Variants in PTPRK observed in about 807,000 individuals in gnomAD.
The protein encoded by PTPRK is protein tyrosine phosphatase receptor type K, also known as receptor-type tyrosine-protein phosphatase kappa.
PTPRK carries 75 observed loss-of-function variants against 178.0 expected under a neutral mutation model. The ratio of observed to expected loss-of-function variants is 0.42; its 90% confidence interval spans 0.35 to 0.51. PTPRK has a LOEUF of 0.51. Ranked by LOEUF, PTPRK falls within the 20% of genes least tolerant of loss-of-function variation. PTPRK has a pLI of 0.02. For missense variants in PTPRK, 1,441 were observed against 1,797.8 expected, an observed-to-expected ratio of 0.80 and a Z score of 3.59; for synonymous variants, 637 against 620.6, an observed-to-expected ratio of 1.03 and a Z score of -0.39.
chr6:128,269,620 G>A (rs1819490738), intron 3 of PTPRK, among the ~76,000 whole-genome samples: 1 of 152,040 alleles, frequency 6.6e-6, no homozygotes, highest in Non-Finnish European at 1.5e-5. Context: ...CTTGCAGGGT[G>A]CCCTACATTT....
intron 3 of PTPRK, among the ~76,000 whole-genome samples, chr6:128,280,314 T>C (rs1821467950): frequency 6.6e-6 from 1 of 152,158 alleles, no homozygotes; most frequent in Non-Finnish European, 1.5e-5. Context: ...CTTAACACAA[T>C]AATGAGCTCC....
intron 2 of PTPRK, among the ~76,000 whole-genome samples, chr6:128,365,298 C>T (rs1426835935): frequency 1.3e-5 from 2 of 152,002 alleles, no homozygotes; most frequent in Non-Finnish European, 2.9e-5. Flanking sequence ...TTTATAGACA[C>T]AAACAATCAA....
intron 7 of PTPRK, among the ~76,000 whole-genome samples, chr6:128,101,143 A>G (rs1006471414): frequency 2.8e-4 from 43 of 152,176 alleles, no homozygotes; most frequent in African/African-American, 1.0e-3. Context: ...AGAAGTGTGT[A>G]AAAGTGTAAA....
intron 7 of PTPRK, among the ~76,000 whole-genome samples, chr6:128,141,634 T>G (rs1795782133): frequency 6.6e-6 from 1 of 151,952 alleles, no homozygotes; most frequent in Admixed American, 6.6e-5. Context: ...TATAGCATTT[T>G]GACTATCTTT....
intron 2 of PTPRK, among the ~76,000 whole-genome samples, chr6:128,371,783 G>A (rs1163285004): frequency 1.3e-5 from 2 of 152,056 alleles, no homozygotes; most frequent in East Asian, 3.9e-4. Flanking sequence ...AGGGGAGGCA[G>A]GAAGATTGCT....
At chr6:128,218,834 G>T in intron 6 of PTPRK, 88 bp downstream of exon 6, 3 of 1,196,788 alleles carry the variant, frequency 2.5e-6, no homozygotes, top group Non-Finnish European at 3.5e-6. Flanking sequence ...AAACACTATG[G>T]TTTAAAAATC....
intron 1 of PTPRK, among the ~76,000 whole-genome samples, chr6:128,489,047 C>T (rs1300463811): frequency 6.6e-6 from 1 of 151,674 alleles, no homozygotes. Flanking sequence ...TTATTTTTAC[C>T]ATGAATAGGA....
chr6:127,982,778 G>A (rs990758654), intron 24 of PTPRK, 53 bp downstream of exon 24: 172 of 1,509,178 alleles, frequency 1.1e-4, no homozygotes, highest in Middle Eastern at 1.7e-4. Context: ...GATTCCTAGC[G>A]CCCAGAACAA....
At chr6:128,515,861 T>G (rs142514818) in intron 1 of PTPRK, among the ~76,000 whole-genome samples, 3 of 152,210 alleles carry the variant, frequency 2.0e-5, no homozygotes, top group Admixed American at 6.5e-5. Context: ...CTATTTAGCA[T>G]GATGTTCACT....
intron 2 of PTPRK, among the ~76,000 whole-genome samples, chr6:128,377,951 G>A (rs1030421760): frequency 9.2e-5 from 14 of 151,700 alleles, no homozygotes; most frequent in African/African-American, 1.2e-4. Context: ...TTGAAAAAGA[G>A]CACATGTTTC....
chr6:128,187,710 G>A (rs1263014465), intron 6 of PTPRK, among the ~76,000 whole-genome samples: 1 of 152,092 alleles, frequency 6.6e-6, no homozygotes, highest in African/African-American at 2.4e-5. Flanking sequence ...TCCATGGTCA[G>A]GCCAAAAATG....
intron 7 of PTPRK, among the ~76,000 whole-genome samples, chr6:128,103,898 A>G (rs1427563982): frequency 6.6e-6 from 1 of 152,112 alleles, no homozygotes. Flanking sequence ...GTAGGAGTGG[A>G]AGGCCAGGTC....
At chr6:128,141,624 TATAGC>T (rs1562660639) in intron 7 of PTPRK, among the ~76,000 whole-genome samples, 1 of 151,862 alleles carries the variant, frequency 6.6e-6, no homozygotes, top group Non-Finnish European at 1.5e-5. Context: ...AAACCTGAGG[TATAGC>T]ATTTTGACTA....
At chr6:128,410,386 T>C (rs1842167882) in intron 1 of PTPRK, among the ~76,000 whole-genome samples, 1 of 152,192 alleles carries the variant, frequency 6.6e-6, no homozygotes, top group Non-Finnish European at 1.5e-5. Context: ...CAGTCCCCTT[T>C]AACAATCTAT....
chr6:128,101,342 C>G (rs1788743327), intron 7 of PTPRK, among the ~76,000 whole-genome samples: 1 of 152,056 alleles, frequency 6.6e-6, no homozygotes, highest in South Asian at 2.1e-4. Flanking sequence ...TCATCATTTT[C>G]CACAAGCACC....
chr6:128,213,130 C>G (rs1368277926), intron 6 of PTPRK, among the ~76,000 whole-genome samples: 2 of 151,888 alleles, frequency 1.3e-5, no homozygotes, highest in African/African-American at 4.8e-5. Context: ...ACTATATGAA[C>G]AATTCAAATG....
chr6:128,243,612 T>G (rs1177609479), intron 3 of PTPRK, among the ~76,000 whole-genome samples: 1 of 151,936 alleles, frequency 6.6e-6, no homozygotes, highest in Non-Finnish European at 1.5e-5. Context: ...GAGAATTGCT[T>G]GAACCCAGGA....
intron 6 of PTPRK, among the ~76,000 whole-genome samples, chr6:128,196,412 G>A (rs1583434530): frequency 6.6e-6 from 1 of 152,012 alleles, no homozygotes. Context: ...ATATTTTTAA[G>A]ATGCTTAACC....
chr6:128,313,780 A>C (rs1037219631), intron 3 of PTPRK, among the ~76,000 whole-genome samples: 10 of 152,208 alleles, frequency 6.6e-5, no homozygotes, highest in Admixed American at 6.5e-4. Flanking sequence ...GAGAGAAAAT[A>C]GGAAATTACC....
Sources: allele counts gnomAD v4.1 joint callset (sites outside exome capture counted in the v4.1 genomes callset), GRCh38; gene constraint gnomAD v4.1.1; transcripts MANE v1.5; gene names NCBI Gene and HGNC (gene_info 2026-07-23, HGNC 2026-07-21).